NBAS: variants seen among roughly 807,000 people sequenced by gnomAD.
The protein encoded by NBAS is NAG/BC035112 fusion.
In NBAS, 219 loss-of-function variants were observed where a neutral mutation model predicts 302.5. The ratio of observed to expected loss-of-function variants is 0.72; its 90% CI spans 0.65 to 0.81. NBAS has a LOEUF of 0.81. NBAS is among the 30% of genes least tolerant of loss of function. NBAS has a pLI of 0.00. For missense variants in NBAS, 2,932 were observed against 2,841.6 expected (o/e 1.03, Z -0.72); for synonymous variants, 1,118 against 1,021.6 (o/e 1.09, Z -1.80).
intron 44 of NBAS, among the ~76,000 whole-genome samples, chr2:15,250,450 G>A (rs568116665): frequency 2.0e-5 from 3 of 152,220 alleles, no homozygotes; most frequent in Admixed American, 1.3e-4. Flanking sequence ...AACAAAAGCC[G>A]AAGTAGACAA....
intron 47 of NBAS, among the ~76,000 whole-genome samples, chr2:15,224,900 G>C (rs1667091528): frequency 6.6e-6 from 1 of 152,216 alleles, no homozygotes. Flanking sequence ...ACACTTCCCA[G>C]GAGAATGTCT....
chr2:15,100,270 T>C, the NBAS span, among the ~76,000 whole-genome samples: 4 of 152,142 alleles, frequency 2.6e-5, no homozygotes, highest in Admixed American at 6.5e-5. Context: ...TAGTCTATAA[T>C]AGTAACTGTT....
At chr2:14,875,084 A>G in the NBAS span, among the ~76,000 whole-genome samples, 176 of 152,308 alleles carry the variant, frequency 1.2e-3, 1 homozygote, top group African/African-American at 3.9e-3. Flanking sequence ...TACAGATAGA[A>G]AGCATGAATA....
At chr2:15,405,149 G>A (rs59399851) in intron 25 of NBAS, among the ~76,000 whole-genome samples, 3,087 of 152,152 alleles carry the variant, frequency 0.02, 72 homozygotes, top group East Asian at 0.06. Context: ...TGTTATCTCC[G>A]TTTGACTTTG....
chr2:14,899,407 C>T, the NBAS span, among the ~76,000 whole-genome samples: 16 of 152,174 alleles, frequency 1.1e-4, no homozygotes, highest in Non-Finnish European at 1.9e-4. Flanking sequence ...TTTCCTTAGT[C>T]CAGATCATTT....
rs374303460 is a variant in NBAS, at chr2:15,415,662, G to T, written c.2821C>A (p.Arg941Ser). Residue 941 changes from arginine (R) to serine (S), a missense_variant, in exon 25 of 52, where the codon CGT (arginine) becomes AGT (serine). Physicochemically the swap from Arg to Ser is moderately radical, Grantham distance 110. Transcript: ENST00000281513. Reference protein sequence around the residue: ...AYQWMVPFLHRCEKQSPGVAN... With the variant: ...AYQWMVPFLHSCEKQSPGVAN... ...ACACCAGGCGACTGTTTCTCACAACGATGAAGAAAGGGAACCATCCACTGG... is the reference window on the plus strand; with the variant it reads ...ACACCAGGCGACTGTTTCTCACAACTATGAAGAAAGGGAACCATCCACTGG... The T allele has an allele frequency of 1.6e-5, 26 of 1,613,992 alleles. No individual in the cohort carries two copies. Among genetic ancestry groups the T allele is most frequent in the Non-Finnish European group, 2.1e-5 (25 of 1,180,022 alleles).
intron 27 of NBAS, among the ~76,000 whole-genome samples, chr2:15,394,665 T>C (rs755734953): frequency 6.6e-6 from 1 of 152,126 alleles, no homozygotes; most frequent in Non-Finnish European, 1.5e-5. Flanking sequence ...AAATCTATAC[T>C]TTCAGTACAG....
chr2:15,045,247 G>A, the NBAS span, among the ~76,000 whole-genome samples: 2,175 of 152,314 alleles, frequency 0.014, 38 homozygotes, highest in African/African-American at 0.043. Context: ...CCAACAGGGC[G>A]ACAGTGAAGA....
chr2:15,339,693 ATGGGCTAGAAAGAAAAATAAAGCGG>A (rs1403288791), intron 35 of NBAS, among the ~76,000 whole-genome samples: 2 of 152,226 alleles, frequency 1.3e-5, no homozygotes, highest in African/African-American at 2.4e-5. Context: ...ACATATTGAT[ATGGGCTAGAAAGAAAAATAAAGCGG>A]TGTGGCTGGG....
the NBAS span, among the ~76,000 whole-genome samples, chr2:14,946,214 C>G: frequency 1.3e-5 from 2 of 152,020 alleles, no homozygotes; most frequent in Non-Finnish European, 1.5e-5. Flanking sequence ...AGATAAATAT[C>G]CAGGGACAGG....
the NBAS span, among the ~76,000 whole-genome samples, chr2:14,910,489 A>C: frequency 1.3e-5 from 2 of 152,294 alleles, no homozygotes; most frequent in Middle Eastern, 3.4e-3. Flanking sequence ...CCATCTTAGA[A>C]CCAAGGTCCC....
chr2:15,205,137 A>G (rs962195534), intron 48 of NBAS, among the ~76,000 whole-genome samples: 3 of 152,198 alleles, frequency 2.0e-5, no homozygotes, highest in African/African-American at 7.2e-5. Context: ...ATTAATTTTC[A>G]TTTTGCTTGT....
chr2:15,217,581 TTATC>T (rs141759300), intron 48 of NBAS, among the ~76,000 whole-genome samples: 1 of 152,318 alleles, frequency 6.6e-6, no homozygotes, highest in East Asian at 1.9e-4. Flanking sequence ...GCAATGGGGA[TTATC>T]TGGGAAGTCC....
At chr2:14,972,761 G>A in the NBAS span, among the ~76,000 whole-genome samples, 1 of 152,192 alleles carries the variant, frequency 6.6e-6, no homozygotes, top group Non-Finnish European at 1.5e-5. Flanking sequence ...AGAATGTGTA[G>A]GCTGGATGGC....
chr2:14,858,894 A>G, the NBAS span, among the ~76,000 whole-genome samples: 19 of 152,080 alleles, frequency 1.2e-4, no homozygotes, highest in African/African-American at 2.7e-4. Flanking sequence ...CGATGTGATT[A>G]TTATGCATTG....
chr2:14,843,253 G>A, the NBAS span, among the ~76,000 whole-genome samples: 3 of 152,114 alleles, frequency 2.0e-5, no homozygotes, highest in South Asian at 4.1e-4. Context: ...TCTAAGATCC[G>A]GACCAAGACA....
At chr2:15,270,412 C>G (rs1206304087) in intron 44 of NBAS, among the ~76,000 whole-genome samples, 3 of 152,090 alleles carry the variant, frequency 2.0e-5, no homozygotes, top group Admixed American at 1.3e-4. Context: ...ATCCACCCAC[C>G]TTGGGCTCCC....
chr2:15,124,228 T>A, the NBAS span, among the ~76,000 whole-genome samples: 19 of 152,258 alleles, frequency 1.2e-4, no homozygotes, highest in East Asian at 2.9e-3. Context: ...TGGAAGAAAT[T>A]TCTAGACAGC....
At chr2:15,230,595 G>A (rs563534462) in intron 47 of NBAS, among the ~76,000 whole-genome samples, 6 of 152,242 alleles carry the variant, frequency 3.9e-5, no homozygotes, top group African/African-American at 1.4e-4. Flanking sequence ...TCACTAAGAT[G>A]AAATACTGCC....
Sources: allele counts gnomAD v4.1 joint callset (sites outside exome capture counted in the v4.1 genomes callset), GRCh38; gene constraint gnomAD v4.1.1; transcripts MANE v1.5; gene names NCBI Gene and HGNC (gene_info 2026-07-23, HGNC 2026-07-21).